The following FOXK2 variants were observed in gnomAD, a reference collection of about 807,000 sequenced individuals.
FOXK2 encodes forkhead box K2, also known as forkhead box protein K2.
Under a neutral mutation model 53.3 loss-of-function variants are expected in FOXK2, and 24 were observed. The observed-to-expected ratio is 0.45, with a 90% confidence interval of 0.33 to 0.63. The LOEUF (loss-of-function observed/expected upper bound fraction) is 0.63. FOXK2 is among the 30% of genes least tolerant of loss of function. The probability of loss-of-function intolerance (pLI) is 0.03; values close to 1 mark genes in which losing one functional copy is unlikely to be tolerated. For missense variants in FOXK2, 952 were observed against 910.5 expected, an observed-to-expected ratio of 1.05 and a Z score of -0.59; for synonymous variants, 505 against 407.1, an observed-to-expected ratio of 1.24 and a Z score of -2.89.
intron 1 of FOXK2, among the ~76,000 whole-genome samples, chr17:82,555,633 C>G (rs907999386): frequency 6.6e-6 from 1 of 151,630 alleles, no homozygotes; most frequent in Non-Finnish European, 1.5e-5. Flanking sequence ...GCCTGTAATC[C>G]CAGCACTTTG....
At chr17:82,543,140 T>G (rs1366514317) in intron 1 of FOXK2, among the ~76,000 whole-genome samples, 1 of 151,872 alleles carries the variant, frequency 6.6e-6, no homozygotes, top group African/African-American at 2.4e-5. Flanking sequence ...GGGTTTCGTT[T>G]GATACTGTGA....
intron 8 of FOXK2, among the ~76,000 whole-genome samples, chr17:82,589,783 C>T (rs945499362): frequency 1.3e-5 from 2 of 151,950 alleles, no homozygotes; most frequent in African/African-American, 2.4e-5. Context: ...TGGTGGCTCA[C>T]GCCTGTAATC....
chr17:82,566,533 A>G (rs2044853187), intron 2 of FOXK2, among the ~76,000 whole-genome samples: 1 of 152,186 alleles, frequency 6.6e-6, no homozygotes, highest in Admixed American at 6.5e-5. Flanking sequence ...TAAGCACTGC[A>G]TGAAAAGGGC....
intron 1 of FOXK2, among the ~76,000 whole-genome samples, chr17:82,533,089 G>C (rs2044487545): frequency 6.6e-6 from 1 of 152,132 alleles, no homozygotes; most frequent in Non-Finnish European, 1.5e-5. Context: ...TGTCACCTCC[G>C]GTGATAACGG....
Position 82,585,960 on chromosome 17 carries a change from G to T in FOXK2, c.1336G>T (p.Ala446Ser). The change falls in exon 7 of 9, where the codon GCC (alanine) becomes TCC (serine). Residue 446 changes from alanine (A) to serine (S), a missense_variant. By Grantham distance (99) the Ala-to-Ser change is moderately conservative. Coordinates refer to ENST00000335255, the MANE Select transcript of FOXK2 (RefSeq NM_004514.4). ...LITVQRQLPQAIKPVTYTVAT... is the reference protein window; with the variant it reads ...LITVQRQLPQSIKPVTYTVAT... ...CACCGTCCAGCGGCAGCTACCACAGGCCATCAAGCCTGTCACCTACACTGT... is the reference window on the plus strand; with the variant it reads ...CACCGTCCAGCGGCAGCTACCACAGTCCATCAAGCCTGTCACCTACACTGT... 6.2e-7 allele frequency: 1 copy of T among 1,612,732 alleles called. No individual in the cohort carries two copies. Among genetic ancestry groups the T allele is most frequent in the Non-Finnish European group, 8.5e-7 (1 of 1,179,918 alleles).
intron 8 of FOXK2, among the ~76,000 whole-genome samples, chr17:82,596,707 A>G (rs2045317159): frequency 6.6e-6 from 1 of 152,148 alleles, no homozygotes; most frequent in South Asian, 2.1e-4. Flanking sequence ...TCCTACACCA[A>G]GCCTGCTGGC....
At chr17:82,584,771 CT>C (rs1272215501) in intron 6 of FOXK2, among the ~76,000 whole-genome samples, 3 of 152,302 alleles carry the variant, frequency 2.0e-5, no homozygotes, top group Admixed American at 2.0e-4. Flanking sequence ...GTCTCAATCT[CT>C]TGACCTCGTG....
At chr17:82,535,752 TTG>T (rs1567966088) in intron 1 of FOXK2, among the ~76,000 whole-genome samples, 3 of 150,720 alleles carry the variant, frequency 2.0e-5, no homozygotes, top group Admixed American at 6.6e-5. Context: ...GTTTTTGTTT[TTG>T]TTTTTTTTTT....
At chr17:82,553,736 A>T (rs914749990) in intron 1 of FOXK2, among the ~76,000 whole-genome samples, 10 of 152,310 alleles carry the variant, frequency 6.6e-5, no homozygotes, top group African/African-American at 2.4e-4. Flanking sequence ...AGCTCCAGGG[A>T]CACAGCAGTT....
intron 1 of FOXK2, among the ~76,000 whole-genome samples, chr17:82,551,328 TTA>T (rs1567971188): frequency 1.9e-4 from 1 of 5,130 alleles, no homozygotes; most frequent in Non-Finnish European, 3.4e-4. Context: ...AAAAAAAAAA[TTA>T]AAAAAAAAAT....
chr17:82,592,366 CAT>C (rs1567988198), intron 8 of FOXK2, among the ~76,000 whole-genome samples: 1 of 152,244 alleles, frequency 6.6e-6, no homozygotes, highest in African/African-American at 2.4e-5. Context: ...ATGGGGCTCA[CAT>C]GTGTGTCCTC....
intron 8 of FOXK2, among the ~76,000 whole-genome samples, chr17:82,592,788 A>G (rs1344189846): frequency 1.3e-5 from 2 of 152,192 alleles, no homozygotes; most frequent in African/African-American, 4.8e-5. Flanking sequence ...CTTCGCAGTG[A>G]GAGTGAAATG....
chr17:82,582,199 C>T (rs2045072052), intron 4 of FOXK2, among the ~76,000 whole-genome samples: 1 of 152,220 alleles, frequency 6.6e-6, no homozygotes, highest in African/African-American at 2.4e-5. Flanking sequence ...AAGTCATTGC[C>T]TCCACCTGGA....
At chr17:82,523,777 C>T (rs1226523005) in intron 1 of FOXK2, among the ~76,000 whole-genome samples, 1 of 151,478 alleles carries the variant, frequency 6.6e-6, no homozygotes, top group African/African-American at 2.4e-5. Context: ...ACACCTGGCC[C>T]TAAAATCTTT....
chr17:82,575,132 G>A (rs2044967541), intron 4 of FOXK2, among the ~76,000 whole-genome samples: 1 of 152,158 alleles, frequency 6.6e-6, no homozygotes, highest in Admixed American at 6.6e-5. Flanking sequence ...TTTCTGATAA[G>A]TAATGTACCA....
intron 1 of FOXK2, among the ~76,000 whole-genome samples, chr17:82,550,929 G>A (rs1001128569): frequency 5.9e-5 from 9 of 152,234 alleles, no homozygotes; most frequent in African/African-American, 1.4e-4. Flanking sequence ...TGCAGTAAGC[G>A]TGCGTCACTG....
At chr17:82,570,702 A>AT (rs1598218114) in intron 3 of FOXK2, among the ~76,000 whole-genome samples, 2 of 152,124 alleles carry the variant, frequency 1.3e-5, no homozygotes, top group East Asian at 3.9e-4. Context: ...TCTTGAATGT[A>AT]TTTTTTCATC....
chr17:82,522,368 A>ATTT (rs538515246), intron 1 of FOXK2, among the ~76,000 whole-genome samples: 12 of 141,760 alleles, frequency 8.5e-5, no homozygotes, highest in African/African-American at 2.6e-4. Flanking sequence ...GTTTTTTGGA[A>ATTT]TTTTTTTTTT....
intron 4 of FOXK2, among the ~76,000 whole-genome samples, chr17:82,581,724 C>G (rs1464093702): frequency 1.3e-5 from 2 of 152,154 alleles, no homozygotes; most frequent in African/African-American, 4.8e-5. Flanking sequence ...ATCCGCCCGC[C>G]TCGGCCTCCC....
Sources: allele counts gnomAD v4.1 joint callset (sites outside exome capture counted in the v4.1 genomes callset), GRCh38; gene constraint gnomAD v4.1.1; transcripts MANE v1.5; gene names NCBI Gene and HGNC (gene_info 2026-07-23, HGNC 2026-07-21).